AGO3: variants seen among roughly 807,000 people sequenced by gnomAD.
AGO3 encodes protein argonaute-3.
Under a neutral mutation model 105.5 loss-of-function variants are expected in AGO3, and 16 were observed. The ratio of observed to expected loss-of-function variants is 0.15; its 90% CI spans 0.10 to 0.23. AGO3 has a LOEUF of 0.23. Ranked by LOEUF, AGO3 falls within the 10% of genes least tolerant of loss-of-function variation. AGO3 has a pLI of 1.00. For missense variants in AGO3, 534 were observed against 1,088.0 expected (o/e 0.49, Z 7.16); for synonymous variants, 340 against 367.3 (o/e 0.93, Z 0.85).
chr1:36,008,600 T>A lies in AGO3; in HGVS notation c.794-90T>A. 2 of 1,251,242 alleles carry A rather than the reference T, an allele frequency of 1.6e-6. No individual in the cohort carries two copies. The highest frequency in any genetic ancestry group is 2.3e-6 in the Non-Finnish European group (2 of 888,648). The allele number at this position is 1,251,242 out of a possible 1,614,324, so 77.5% of individuals were successfully genotyped here. A position where few individuals can be genotyped will look rare whatever the true frequency, so the allele number is the denominator to read the frequency against. On this transcript the variant is annotated intron_variant, in intron 6 of 18. Coordinates refer to ENST00000373191, the MANE Select transcript of AGO3 (RefSeq NM_024852.4). The surrounding 1 kb of genome is among the most constrained non-coding windows in gnomAD (Gnocchi z 5.1). ...CACAGAATTTTTTGTCTGTTCAGAATTGAGTTTTTATGGTAATGAACAGGC... is the reference window on the plus strand; with the variant it reads ...CACAGAATTTTTTGTCTGTTCAGAAATGAGTTTTTATGGTAATGAACAGGC...
intron 2 of AGO3, among the ~76,000 whole-genome samples, chr1:35,947,006 G>A (rs1646378124): frequency 6.6e-6 from 1 of 152,120 alleles, no homozygotes; most frequent in Admixed American, 6.6e-5. Flanking sequence ...TCCTGACTTG[G>A]TAGTCATTAG....
At position 35,945,798 on chromosome 1, in the gene AGO3, A is replaced by G; in HGVS notation, c.126A>G (p.Pro42=). The change falls in exon 2 of 19, where the codon CCA becomes CCG. Residue 42 remains proline (P), a synonymous_variant. Transcript: ENST00000373191. ...CTAACTGTTTTCAAGTTGAAATCCC[A>G]AAGATTGATGTCTACCTCTATGAGG... ...LLANCFQVEI[P]KIDVYLYEVD... 1 of 1,613,852 alleles carries G rather than the reference A, an allele frequency of 6.2e-7. No individual in the cohort carries two copies. Among genetic ancestry groups the G allele is most frequent in the Non-Finnish European group, 8.5e-7 (1 of 1,180,008 alleles).
At chr1:36,042,936 A>G (rs1300276713) in intron 16 of AGO3, among the ~76,000 whole-genome samples, 2 of 152,226 alleles carry the variant, frequency 1.3e-5, no homozygotes, top group African/African-American at 4.8e-5. Flanking sequence ...AATGGAAATA[A>G]TCCCTAACTT....
At chr1:35,940,310 G>A (rs141209165) in intron 1 of AGO3, among the ~76,000 whole-genome samples, 1,716 of 152,184 alleles carry the variant, frequency 0.011, 32 homozygotes, top group African/African-American at 0.039. Flanking sequence ...CAGGTGATCC[G>A]CCCGCGTCAG....
intron 2 of AGO3, among the ~76,000 whole-genome samples, chr1:35,956,275 A>G (rs145875001): frequency 3.9e-4 from 60 of 152,296 alleles, no homozygotes; most frequent in African/African-American, 1.4e-3. Context: ...TGCATTAGTA[A>G]TGGTTTTAAC....
In AGO3 at chr1:36,069,262, C is replaced by G. The variant is rs1484031384; in HGVS notation, c.*13517C>G. The G allele has an allele frequency of 6.6e-6, 1 of 152,212 alleles. No homozygotes were observed. Among genetic ancestry groups the G allele is most frequent in the African/African-American group, 2.4e-5 (1 of 41,428 alleles). The allele number at this position is 152,212 out of a possible 1,614,324, so 9.4% of individuals were successfully genotyped here. A position where few individuals can be genotyped will look rare whatever the true frequency, so the allele number is the denominator to read the frequency against. On this transcript the variant is annotated 3_prime_UTR_variant, in exon 19 of 19. Coordinates refer to ENST00000373191, the MANE Select transcript of AGO3 (RefSeq NM_024852.4). ...GGGACTAGAGGTACATGCCACCACA[C>G]CCAGCTAATTATTTTCTTTTATTGC...
chr1:35,969,625 T>C (rs1369511860), intron 3 of AGO3, among the ~76,000 whole-genome samples: 1 of 152,188 alleles, frequency 6.6e-6, no homozygotes, highest in East Asian at 1.9e-4. Context: ...GAAATGACAC[T>C]TTTTGGGGAA....
rs1340954955 is a variant in AGO3 at position 36,064,594 on chromosome 1, A to G, written c.*8849A>G. 3 of 152,146 alleles carry G rather than the reference A, an allele frequency of 2.0e-5. No homozygotes were observed. The highest frequency in any genetic ancestry group is 4.4e-5 in the Non-Finnish European group (3 of 68,030). 9.4% of individuals were successfully genotyped at this position (152,146 alleles called of 1,614,324 possible). On this transcript the variant is annotated 3_prime_UTR_variant, in exon 19 of 19. Transcript: ENST00000373191. ...ATGACATTTTACTGTAGTGTATTCC[A>G]CTGAGAGGCAAGGAAATGGGAAAGT...
chr1:35,982,900 C>A, intron 5 of AGO3: 1 of 400,122 alleles, frequency 2.5e-6, no homozygotes. Flanking sequence ...AACTACAAGC[C>A]TGGCATATCA....
At chr1:36,037,258 G>A (rs1412944584) in intron 14 of AGO3, among the ~76,000 whole-genome samples, 7 of 152,116 alleles carry the variant, frequency 4.6e-5, no homozygotes, top group African/African-American at 1.4e-4. Flanking sequence ...GGTGGCTCAC[G>A]CCTAGAATCC....
At chr1:35,982,445 A>T (rs185049752) in intron 5 of AGO3, among the ~76,000 whole-genome samples, 70 of 152,330 alleles carry the variant, frequency 4.6e-4, no homozygotes, top group African/African-American at 1.6e-3. Context: ...TCAGTGACAT[A>T]AGCATTCATT....
chr1:36,036,560 T>G (rs1215311286), intron 14 of AGO3, among the ~76,000 whole-genome samples: 1 of 152,202 alleles, frequency 6.6e-6, no homozygotes, highest in East Asian at 1.9e-4. Context: ...GAATAGTTTG[T>G]TTGTATATTT....
intron 5 of AGO3, among the ~76,000 whole-genome samples, chr1:35,985,794 G>A (rs1647161400): frequency 6.6e-6 from 1 of 152,072 alleles, no homozygotes; most frequent in African/African-American, 2.4e-5. Context: ...TAAAACTTGT[G>A]TATCGCAAAA....
Position 36,065,056 on chromosome 1 carries a change from A to G in AGO3, c.*9311A>G, listed in dbSNP as rs1346102019. 6.6e-6 allele frequency: 1 copy of G among 152,138 alleles called. No homozygotes were observed. The highest frequency in any genetic ancestry group is 1.9e-4 in the East Asian group (1 of 5,188). 9.4% of individuals were successfully genotyped at this position (152,138 alleles called of 1,614,324 possible). ...GCGGTACGTGCCTGTAATCCCAGCT[A>G]CTGGGAAGGCCGAGGCAGGAGAATG... On this transcript the variant is annotated 3_prime_UTR_variant, in exon 19 of 19. Transcript: ENST00000373191.
chr1:35,936,809 T>G (rs966274985), intron 1 of AGO3, among the ~76,000 whole-genome samples: 4 of 152,204 alleles, frequency 2.6e-5, no homozygotes, highest in Non-Finnish European at 5.9e-5. Flanking sequence ...TAGGCTCAAA[T>G]GATCCTCCTG....
intron 14 of AGO3, among the ~76,000 whole-genome samples, chr1:36,039,278 G>A (rs932330509): frequency 2.6e-5 from 4 of 151,966 alleles, no homozygotes; most frequent in African/African-American, 7.2e-5. Flanking sequence ...GACGGATCAC[G>A]AGGTCAAGAT....
At chr1:36,016,142 A>C (rs59859305) in intron 11 of AGO3, among the ~76,000 whole-genome samples, 76 of 152,314 alleles carry the variant, frequency 5.0e-4, no homozygotes, top group African/African-American at 1.8e-3. Flanking sequence ...TTTGGTACAC[A>C]AGTAGCTTAT....
At chr1:36,052,299 A>T (rs1278609802) in intron 17 of AGO3, among the ~76,000 whole-genome samples, 1 of 152,206 alleles carries the variant, frequency 6.6e-6, no homozygotes, top group Non-Finnish European at 1.5e-5. Context: ...GTTACATGAA[A>T]TAAACCAACC....
intron 5 of AGO3, among the ~76,000 whole-genome samples, chr1:35,997,138 G>A (rs977584799): frequency 2.0e-5 from 3 of 152,030 alleles, no homozygotes; most frequent in African/African-American, 7.2e-5. Context: ...AATTAGACGG[G>A]TGTGGTGACA....
Sources: gnomAD v4.1 joint callset for allele counts (sites outside exome capture counted in the v4.1 genomes callset) on GRCh38, gnomAD v4.1.1 for gene constraint, Gnocchi (gnomAD v3.1) non-coding constraint, MANE v1.5 for transcripts, NCBI Gene and HGNC (gene_info 2026-07-23, HGNC 2026-07-21) for gene names.